The following ITGAE variants were observed in gnomAD, a reference collection of about 807,000 sequenced individuals.
The protein encoded by ITGAE is integrin subunit alpha E, also known as integrin alpha-E.
A neutral mutation model predicts 136.5 loss-of-function variants in ITGAE; 99 were observed. The observed-to-expected ratio is 0.73, with a 90% CI of 0.62 to 0.86. The LOEUF (loss-of-function observed/expected upper bound fraction) is 0.86. Among genes scored for constraint, ITGAE ranks in the 40% least tolerant of loss-of-function variants. The probability of loss-of-function intolerance (pLI) is 0.00; values close to 1 mark genes in which losing one functional copy is unlikely to be tolerated. For missense variants in ITGAE, 1,447 were observed against 1,515.3 expected, an observed-to-expected ratio of 0.95 and a Z score of 0.75; for synonymous variants, 613 against 591.8, an observed-to-expected ratio of 1.04 and a Z score of -0.52.
At chr17:3,743,301 G>A (rs1204262278) in intron 19 of ITGAE, among the ~76,000 whole-genome samples, 188 bp downstream of exon 19, 1 of 152,242 alleles carries the variant, frequency 6.6e-6, no homozygotes. Flanking sequence ...TTACCCATGA[G>A]TCCTCACTCA....
At chr17:3,797,376 A>G (rs539747141) in intron 1 of ITGAE, among the ~76,000 whole-genome samples, 20 of 151,256 alleles carry the variant, frequency 1.3e-4, no homozygotes, top group Non-Finnish European at 1.9e-4. Flanking sequence ...TGTGTTAGCC[A>G]GGATGGTCTC....
At chr17:3,737,831 A>G (rs559359315) in intron 20 of ITGAE, among the ~76,000 whole-genome samples, 6 of 152,210 alleles carry the variant, frequency 3.9e-5, no homozygotes, top group Admixed American at 3.9e-4. Context: ...CAGGCTCACT[A>G]GCGTTTTTGA....
intron 20 of ITGAE, among the ~76,000 whole-genome samples, chr17:3,735,640 G>C (rs561791442): frequency 1.3e-5 from 2 of 152,162 alleles, no homozygotes; most frequent in Non-Finnish European, 2.9e-5. Context: ...TAACTTCTTA[G>C]ATAAGTTGCC....
At chr17:3,753,548 T>A in intron 13 of ITGAE, 118 bp from the exon 14 acceptor site, 2 of 1,316,284 alleles carry the variant, frequency 1.5e-6, no homozygotes, top group Non-Finnish European at 2.1e-6. Context: ...CATATCAATT[T>A]GCTCACTGAG....
intron 21 of ITGAE, 53 bp downstream of exon 21, chr17:3,734,764 G>A: frequency 1.2e-6 from 2 of 1,607,174 alleles, no homozygotes; most frequent in Non-Finnish European, 1.7e-6. Context: ...AAGCAGGCAT[G>A]CAGCGAGGGA....
chr17:3,746,429 G>T (rs984843445), intron 17 of ITGAE, among the ~76,000 whole-genome samples: 2 of 151,758 alleles, frequency 1.3e-5, no homozygotes, highest in Non-Finnish European at 2.9e-5. Context: ...GAAGGGACAG[G>T]TCTGTTATTT....
chr17:3,761,872 C>T, intron 4 of ITGAE, 43 bp downstream of exon 4: 1 of 1,562,450 alleles, frequency 6.4e-7, no homozygotes, highest in Non-Finnish European at 8.8e-7. Flanking sequence ...AGGGCTAGCA[C>T]CAGCCTCCCT....
rs538836138 is a variant in ITGAE at position 3,798,356 on chromosome 17, C to T, written c.34+2755G>A. 4.6e-5 allele frequency among the ~76,000 whole-genome samples: 7 copies of T among 152,282 alleles called. No individual in the cohort carries two copies. The highest frequency in any genetic ancestry group is 2.6e-4 in the Admixed American group (4 of 15,306). On this transcript the variant is annotated intron_variant, in intron 1 of 30. Coordinates refer to ENST00000263087, the MANE Select transcript of ITGAE (RefSeq NM_002208.5). This position sits in a 1 kb window ranked among gnomAD's most constrained non-coding sequence, Gnocchi z 4.3. The stretch of plus-strand genomic sequence containing the variant: ...GGGCCCAGCATGTCCCGATTTGGGG[C>T]GGGGCTGGAAGGGAAAGCAACACCA...
chr17:3,800,192 C>T (rs985345174), intron 1 of ITGAE, among the ~76,000 whole-genome samples: 8 of 152,206 alleles, frequency 5.3e-5, no homozygotes, highest in Non-Finnish European at 1.2e-4. Flanking sequence ...TGGTACCCTA[C>T]ACATTGTGGC....
intron 1 of ITGAE, among the ~76,000 whole-genome samples, chr17:3,789,539 C>T (rs940887205): frequency 1.4e-4 from 19 of 135,826 alleles, no homozygotes; most frequent in Non-Finnish European, 2.8e-4. Flanking sequence ...CTCGCTCTGT[C>T]ACCCAGGCTG....
chr17:3,796,170 C>CGTGTGTGTGTGTGTGTGT (rs71381510), intron 1 of ITGAE, among the ~76,000 whole-genome samples: 2,825 of 126,896 alleles, frequency 0.022, 98 homozygotes, highest in Middle Eastern at 0.052. Context: ...TGTGTGCATC[C>CGTGTGTGTGTGTGTGTGT]GTGTGTGTGT....
rs558709708 is a variant in ITGAE, at chr17:3,751,653, C to T, written c.1890G>A (p.Ser630=). ...AGGAGAGGGCCCCATGGGTCACCTG[C>T]GAGGGGCTGGCGGAGAGGCCGTCCC... ...GHWDGLSASP[S]QRIRASTVAP... Residue 630 remains serine (S), a synonymous_variant, in exon 15 of 31, where the codon TCG becomes TCA. Coordinates refer to ENST00000263087, the MANE Select transcript of ITGAE (RefSeq NM_002208.5). 4.2e-5 allele frequency: 67 copies of T among 1,613,404 alleles called. No individual in the cohort carries two copies. The highest frequency in any genetic ancestry group is 5.1e-5 in the Non-Finnish European group (60 of 1,179,688).
At chr17:3,775,124 T>A (rs1041867556) in intron 2 of ITGAE, among the ~76,000 whole-genome samples, 12 of 152,236 alleles carry the variant, frequency 7.9e-5, no homozygotes, top group South Asian at 4.1e-4. Flanking sequence ...CTGATTTTTT[T>A]ATATTTTTTG....
intron 10 of ITGAE, 75 bp from the exon 11 acceptor site, chr17:3,755,972 C>T (rs1215494890): frequency 7.1e-7 from 1 of 1,405,464 alleles, no homozygotes; most frequent in Non-Finnish European, 9.8e-7. Context: ...GACAGTCCAG[C>T]TTGGCCTCAC....
chr17:3,733,658 T>A (rs1567519139), intron 21 of ITGAE, among the ~76,000 whole-genome samples: 1 of 152,194 alleles, frequency 6.6e-6, no homozygotes, highest in Non-Finnish European at 1.5e-5. Flanking sequence ...TGACCTCAGG[T>A]GATCCGCCCG....
intron 1 of ITGAE, among the ~76,000 whole-genome samples, chr17:3,791,916 G>A (rs2052948656): frequency 6.6e-6 from 1 of 152,108 alleles, no homozygotes; most frequent in Non-Finnish European, 1.5e-5. Flanking sequence ...CCGCTTGATG[G>A]ACATATTGGC....
rs919051800 is a variant in ITGAE, at chr17:3,755,950, A to G, written c.1172-53T>C. ...GCTGTGGGCCGAGGTGAAGGGAGAA[A>G]CTGAGTCAGGGGACAGTCCAGCTTG... On this transcript the variant is annotated intron_variant, in intron 10 of 30. Transcript: ENST00000263087. 12 of 1,528,988 alleles carry G rather than the reference A, an allele frequency of 7.8e-6. 1 individual carries two copies. Among genetic ancestry groups the G allele is most frequent in the East Asian group, 2.4e-5 (1 of 41,894 alleles). The allele number at this position is 1,528,988 out of a possible 1,614,324, so 94.7% of individuals were successfully genotyped here.
intron 18 of ITGAE, among the ~76,000 whole-genome samples, chr17:3,744,505 G>A (rs2051667769): frequency 2.0e-5 from 3 of 149,192 alleles, no homozygotes; most frequent in Non-Finnish European, 3.0e-5. Flanking sequence ...GGAGTGCAGT[G>A]GCTCGATCTT....
intron 1 of ITGAE, among the ~76,000 whole-genome samples, chr17:3,780,171 G>GTTT (rs34188634): frequency 2.5e-5 from 3 of 120,528 alleles, no homozygotes; most frequent in African/African-American, 3.0e-5. Flanking sequence ...TTGTTTATTT[G>GTTT]TTTTTTTTTT....
Sources: allele counts gnomAD v4.1 joint callset (sites outside exome capture counted in the v4.1 genomes callset), GRCh38; gene constraint gnomAD v4.1.1; non-coding constraint Gnocchi (gnomAD v3.1); transcripts MANE v1.5; gene names NCBI Gene and HGNC (gene_info 2026-07-23, HGNC 2026-07-21).